The following COBL variants were observed in gnomAD, a reference collection of about 807,000 sequenced individuals.
COBL encodes the protein cordon-bleu WH2 repeat protein, also known as protein cordon-bleu.
Under a neutral mutation model 98.8 loss-of-function variants are expected in COBL, and 51 were observed. The observed-to-expected ratio is 0.52, with a 90% CI of 0.41 to 0.65. The LOEUF (loss-of-function observed/expected upper bound fraction) is 0.65, where lower values mean the gene tolerates loss of function less well. Among genes scored for constraint, COBL ranks in the 30% least tolerant of loss-of-function variants. The pLI, the probability that COBL is intolerant of heterozygous loss-of-function variation, is 0.00. For missense variants in COBL, 1,617 were observed against 1,617.5 expected, an observed-to-expected ratio of 1.00 and a Z score of 0.01; for synonymous variants, 634 against 651.7, an observed-to-expected ratio of 0.97 and a Z score of 0.41.
rs564603658 is a variant in COBL, at chr7:51,066,135, C to T, written c.1096+19031G>A. On this transcript the variant is annotated intron_variant, in intron 7 of 12. Coordinates refer to ENST00000265136, the MANE Select transcript of COBL (RefSeq NM_015198.5). ...AAAATATTAAAGTAATTGAAGTCCA[C>T]GACAGTGTCTGTGGCTTGACAGGCC... is the stretch of plus-strand genomic sequence containing the variant. 2.2e-4 allele frequency among the ~76,000 whole-genome samples: 33 copies of T among 152,302 alleles called. No individual in the cohort carries two copies. In the South Asian group the frequency reaches 6.2e-3, roughly 29 times the overall value.
intron 5 of COBL, among the ~76,000 whole-genome samples, chr7:51,171,669 G>A (rs1045859725): frequency 6.6e-6 from 1 of 151,934 alleles, no homozygotes; most frequent in African/African-American, 2.4e-5. Flanking sequence ...TAATTTTTAT[G>A]AGAACTCATC....
At chr7:51,091,679 G>A (rs1255493075) in intron 6 of COBL, among the ~76,000 whole-genome samples, 1 of 151,972 alleles carries the variant, frequency 6.6e-6, no homozygotes, top group African/African-American at 2.4e-5. Flanking sequence ...AAAGCTCAAA[G>A]GACTCCAACT....
chr7:51,193,177 T>C (rs1790279591), intron 3 of COBL, among the ~76,000 whole-genome samples: 1 of 152,252 alleles, frequency 6.6e-6, no homozygotes, highest in South Asian at 2.1e-4. Flanking sequence ...GAAGCAATGT[T>C]ACAACAATAA....
At chr7:51,103,401 T>G (rs181836516) in intron 6 of COBL, among the ~76,000 whole-genome samples, 163 of 152,298 alleles carry the variant, frequency 1.1e-3, no homozygotes, top group Non-Finnish European at 1.8e-3. Flanking sequence ...TTGTAAATAT[T>G]TTCCCTAGTT....
At chr7:51,191,106 T>G in intron 3 of COBL, 28 bp from the exon 4 acceptor site, 1 of 1,594,234 alleles carries the variant, frequency 6.3e-7, no homozygotes, top group East Asian at 2.2e-5. Flanking sequence ...CAAAAAGAAT[T>G]CAGTAAGATA....
chr7:51,101,470 G>T (rs1795797625), intron 6 of COBL, among the ~76,000 whole-genome samples: 1 of 152,204 alleles, frequency 6.6e-6, no homozygotes, highest in African/African-American at 2.4e-5. Flanking sequence ...ACTTGTCCAA[G>T]ATCATACAAG....
chr7:51,267,464 T>G (rs946029983), intron 1 of COBL, among the ~76,000 whole-genome samples: 33 of 151,880 alleles, frequency 2.2e-4, no homozygotes, highest in African/African-American at 8.0e-4. Flanking sequence ...TTTCATACAT[T>G]CATTTATTTG....
At chr7:51,172,602 A>G in intron 5 of COBL, 1 of 1,138,242 alleles carries the variant, frequency 8.8e-7, no homozygotes, top group Non-Finnish European at 1.1e-6. Context: ...CTTAGCGATC[A>G]TTAAGGCAAA....
chr7:51,152,520 T>C (rs1785660318), intron 5 of COBL, among the ~76,000 whole-genome samples: 1 of 152,172 alleles, frequency 6.6e-6, no homozygotes, highest in African/African-American at 2.4e-5. Context: ...TGTTGGCACA[T>C]TTGTCAGACC....
chr7:51,126,931 G>A (rs767155007), intron 6 of COBL, among the ~76,000 whole-genome samples: 2 of 152,110 alleles, frequency 1.3e-5, no homozygotes, highest in Non-Finnish European at 2.9e-5. Context: ...CTCCTTAGCT[G>A]TCTGACATTG....
intron 7 of COBL, among the ~76,000 whole-genome samples, chr7:51,080,311 A>C (rs1793514056): frequency 6.6e-6 from 1 of 152,196 alleles, no homozygotes; most frequent in Non-Finnish European, 1.5e-5. Context: ...AGGTTAGTGG[A>C]CACTGGTTTT....
intron 6 of COBL, among the ~76,000 whole-genome samples, chr7:51,119,242 C>A (rs1797538831): frequency 6.6e-6 from 1 of 152,146 alleles, no homozygotes; most frequent in Admixed American, 6.5e-5. Context: ...GCTACCTAAT[C>A]TAGGTTCTCA....
At chr7:51,040,565 C>T (rs1027616034) in intron 8 of COBL, among the ~76,000 whole-genome samples, 1 of 152,206 alleles carries the variant, frequency 6.6e-6, no homozygotes, top group African/African-American at 2.4e-5. Context: ...CTCATGACAA[C>T]TCTGATAGAT....
At chr7:51,211,963 A>G (rs1374415513) in intron 2 of COBL, among the ~76,000 whole-genome samples, 1 of 152,192 alleles carries the variant, frequency 6.6e-6, no homozygotes. Flanking sequence ...ACAGTAACAA[A>G]ATGGAATGAT....
chr7:51,278,623 A>G, intron 1 of COBL, among the ~76,000 whole-genome samples: 1 of 151,672 alleles, frequency 6.6e-6, no homozygotes, highest in East Asian at 1.9e-4. Flanking sequence ...CAGGTGATCT[A>G]CCCACCTCAG....
rs972406846 is a variant in COBL at position 51,184,248 on chromosome 7, T to C, written c.686-49A>G. ...ATTTTTCAGCATCTGAAACAAGAGA[T>C]TCAATACTTTACTTAAAAAATCTTA... On this transcript the variant is annotated intron_variant, in intron 4 of 12. Transcript: ENST00000265136. 1.2e-5 allele frequency: 12 copies of C among 1,032,932 alleles called. No individual in the cohort carries two copies. In the African/African-American group the frequency reaches 1.5e-4, roughly 13 times the overall value. 64.0% of individuals were successfully genotyped at this position (1,032,932 alleles called of 1,614,324 possible).
At chr7:51,303,080 T>C (rs1014591990) in intron 1 of COBL, among the ~76,000 whole-genome samples, 1 of 152,218 alleles carries the variant, frequency 6.6e-6, no homozygotes, top group Non-Finnish European at 1.5e-5. Context: ...CAAATTAGAA[T>C]GTTTTAAAAT....
Position 51,085,131 on chromosome 7 carries a change from C to T in COBL, c.1096+35G>A, listed in dbSNP as rs746065791. The T allele has an allele frequency of 5.0e-5, 81 of 1,612,908 alleles. No homozygotes were observed. The South Asian group carries it at 7.3e-4, about 14-fold the overall frequency. ...TGACATTCCAGGACAGAGCAAGCAT[C>T]CCCGCATGCAGACGGCAGGCCGAGC... On this transcript the variant is annotated intron_variant, in intron 7 of 12. Coordinates refer to ENST00000265136, the MANE Select transcript of COBL (RefSeq NM_015198.5).
intron 1 of COBL, among the ~76,000 whole-genome samples, chr7:51,266,936 C>T (rs1798267996): frequency 1.3e-5 from 2 of 152,136 alleles, no homozygotes; most frequent in Non-Finnish European, 2.9e-5. Context: ...GACATCAATG[C>T]CCTCTGCTTC....
Sources: gnomAD v4.1 joint callset for allele counts (sites outside exome capture counted in the v4.1 genomes callset) on GRCh38, gnomAD v4.1.1 for gene constraint, MANE v1.5 for transcripts, NCBI Gene and HGNC (gene_info 2026-07-23, HGNC 2026-07-21) for gene names.